The following PRUNE2 variants were observed in gnomAD, a reference collection of about 807,000 sequenced individuals.
The protein encoded by PRUNE2 is prune homolog 2 with BCH domain, also known as protein prune homolog 2.
In PRUNE2, 164 loss-of-function variants were observed where a neutral mutation model predicts 252.0. The observed-to-expected ratio is 0.65, with a 90% CI of 0.57 to 0.74. PRUNE2 has a LOEUF of 0.74. Among genes scored for constraint, PRUNE2 ranks in the 30% least tolerant of loss-of-function variants. The pLI, the probability that PRUNE2 is intolerant of heterozygous loss-of-function variation, is 0.00. For synonymous variants in PRUNE2, 1,292 were observed against 1,350.2 expected, an observed-to-expected ratio of 0.96 and a Z score of 0.94; for missense variants, 3,495 against 3,711.0, an observed-to-expected ratio of 0.94 and a Z score of 1.51.
chr9:76,686,895 G>A (rs866635038), intron 9 of PRUNE2, among the ~76,000 whole-genome samples: 1 of 152,088 alleles, frequency 6.6e-6, no homozygotes, highest in African/African-American at 2.4e-5. Flanking sequence ...ACCACAGCTG[G>A]CTAAGGCATT....
chr9:76,774,183 T>C (rs1359024338), intron 6 of PRUNE2, among the ~76,000 whole-genome samples: 1 of 152,176 alleles, frequency 6.6e-6, no homozygotes, highest in African/African-American at 2.4e-5. Context: ...TCCCCCAGGC[T>C]GGAGTGCAGT....
intron 6 of PRUNE2, among the ~76,000 whole-genome samples, chr9:76,756,843 C>G (rs984749421): frequency 2.7e-5 from 4 of 150,034 alleles, no homozygotes; most frequent in Admixed American, 2.7e-4. Flanking sequence ...CCCACCCTGC[C>G]CGTGCCCTGC....
chr9:76,726,898 G>T (rs1422206066), intron 6 of PRUNE2, among the ~76,000 whole-genome samples: 1 of 152,162 alleles, frequency 6.6e-6, no homozygotes, highest in Non-Finnish European at 1.5e-5. Flanking sequence ...GAATACCTGG[G>T]CTCACTCTGG....
intron 1 of PRUNE2, among the ~76,000 whole-genome samples, chr9:76,886,072 G>C (rs1371130956): frequency 6.6e-6 from 1 of 151,798 alleles, no homozygotes; most frequent in Admixed American, 6.6e-5. Context: ...TGTAGTCCCA[G>C]CTACTTGGGA....
intron 6 of PRUNE2, among the ~76,000 whole-genome samples, chr9:76,726,619 G>A (rs1456607889): frequency 6.6e-6 from 1 of 152,188 alleles, no homozygotes; most frequent in East Asian, 1.9e-4. Context: ...CTATAAAAGC[G>A]TTAAGCTTAG....
Position 76,807,047 on chromosome 9 carries a change from T to TGC in PRUNE2, c.756+16584_756+16585insGC, listed in dbSNP as rs1401179826. Among the ~76,000 whole-genome samples the TGC allele has an allele frequency of 2.9e-5, 4 of 138,952 alleles. No homozygotes were observed. The East Asian group carries it at 7.1e-4, about 25-fold the overall frequency. The allele number at this position is 138,952 out of a possible 152,430, so 91.2% of individuals were successfully genotyped here. Reference sequence around the variant, plus strand: ...GTGTGTGTGTGTGTGTGTGTGTGTGTGTGTGCGCGCGCGCGTGTGTCTGTC... The same window carrying TGC: ...GTGTGTGTGTGTGTGTGTGTGTGTGTGCGTGTGCGCGCGCGCGTGTGTCTGTC... On this transcript the variant is annotated intron_variant, in intron 6 of 18. Transcript: ENST00000376718.
At chr9:76,680,543 A>G (rs1447904770) in intron 9 of PRUNE2, among the ~76,000 whole-genome samples, 2 of 152,258 alleles carry the variant, frequency 1.3e-5, no homozygotes, top group East Asian at 1.9e-4. Context: ...ACTTCTTGTT[A>G]TAAGTCCAAA....
intron 2 of PRUNE2, among the ~76,000 whole-genome samples, chr9:76,851,528 A>G (rs1272795943): frequency 2.0e-5 from 3 of 149,008 alleles, no homozygotes; most frequent in Non-Finnish European, 4.4e-5. Flanking sequence ...AGCATGGGGG[A>G]CAGAGCAAGA....
chr9:76,770,965 C>A (rs1242497962), intron 6 of PRUNE2, among the ~76,000 whole-genome samples: 1 of 150,826 alleles, frequency 6.6e-6, no homozygotes, highest in African/African-American at 2.5e-5. Context: ...AAACTAATAA[C>A]TAACTAGAGA....
rs117062701 is a variant in PRUNE2 at position 76,877,231 on chromosome 9, G to A, written c.37-23023C>T. Among the ~76,000 whole-genome samples the A allele has an allele frequency of 6.1e-3, 928 of 151,822 alleles. 25 individuals are homozygous for A. Among genetic ancestry groups the A allele is most frequent in the East Asian group, 0.049 (256 of 5,172 alleles). On this transcript the variant is annotated intron_variant, in intron 1 of 18. Transcript: ENST00000376718. ...TAAAAAAAAAAAATTCAGACCTGGCGCGGTGCCTCATGCCTGTAATCCCAG... is the reference window on the plus strand; with the variant it reads ...TAAAAAAAAAAAATTCAGACCTGGCACGGTGCCTCATGCCTGTAATCCCAG...
In PRUNE2 at chr9:76,846,716, T is replaced by C. The variant is rs1221427962; in HGVS notation, c.345-38A>G. On this transcript the variant is annotated intron_variant, in intron 3 of 18. Transcript: ENST00000376718. ...TGGAGGGGAGGAAGAGAAAGGGATA[T>C]GGCATGTCTTATTACTTTTTGGAAT... 4 of 1,563,576 alleles carry C rather than the reference T, an allele frequency of 2.6e-6. No homozygotes were observed. The African/African-American group carries it at 4.1e-5, about 16-fold the overall frequency.
chr9:76,628,972 A>G (rs1836199720), intron 16 of PRUNE2, among the ~76,000 whole-genome samples: 1 of 152,056 alleles, frequency 6.6e-6, no homozygotes, highest in Non-Finnish European at 1.5e-5. Context: ...AGCCCCCTGA[A>G]TAGCTGGACT....
At chr9:76,830,425 G>T (rs1451424839) in intron 4 of PRUNE2, among the ~76,000 whole-genome samples, 2 of 152,118 alleles carry the variant, frequency 1.3e-5, no homozygotes, top group Non-Finnish European at 2.9e-5. Flanking sequence ...GTGGAGGTGG[G>T]TAGATCATTT....
chr9:76,743,362 C>G (rs2049818913), intron 6 of PRUNE2, among the ~76,000 whole-genome samples: 1 of 152,152 alleles, frequency 6.6e-6, no homozygotes, highest in Admixed American at 6.5e-5. Context: ...TTTTGAGAAG[C>G]TAGTCCATGA....
intron 6 of PRUNE2, among the ~76,000 whole-genome samples, chr9:76,776,499 C>CTTTTTT (rs58566943): frequency 1.5e-5 from 2 of 136,476 alleles, no homozygotes; most frequent in Non-Finnish European, 1.6e-5. Context: ...ACCACATTTT[C>CTTTTTT]TTTTTTTTTT....
chr9:76,729,979 T>A lies in PRUNE2; in HGVS notation c.757-16258A>T, dbSNP rs1348207581. On this transcript the variant is annotated intron_variant, in intron 6 of 18. Transcript: ENST00000376718. ...ATTATCCTAATTTGAGACCATATTT[T>A]TCTTGAGAGCATGTTTCATTTCATT... Among the ~76,000 whole-genome samples the A allele has an allele frequency of 2.0e-5, 3 of 152,248 alleles. No homozygotes were observed. In the East Asian group the frequency reaches 5.8e-4, roughly 29 times the overall value.
chr9:76,810,308 A>C (rs2131719605), intron 6 of PRUNE2, among the ~76,000 whole-genome samples: 1 of 152,332 alleles, frequency 6.6e-6, no homozygotes, highest in South Asian at 2.1e-4. Flanking sequence ...TTCAATGAGA[A>C]AATAAAAATC....
At chr9:76,715,407 G>C (rs571839772) in intron 6 of PRUNE2, among the ~76,000 whole-genome samples, 2 of 152,180 alleles carry the variant, frequency 1.3e-5, no homozygotes, top group African/African-American at 2.4e-5. Flanking sequence ...TCCATGTTTC[G>C]AGGAGGCTTT....
Position 76,703,793 on chromosome 9 carries a change from T to C in PRUNE2, c.7820A>G (p.Lys2607Arg). The C allele has an allele frequency of 6.2e-7, 1 of 1,613,936 alleles. No homozygotes were observed. Among genetic ancestry groups the C allele is most frequent in the Non-Finnish European group, 8.5e-7 (1 of 1,179,878 alleles). Residue 2607 changes from lysine (K) to arginine (R), a missense_variant, in exon 9 of 19, where the codon AAA becomes AGA. Physicochemically the swap from Lys to Arg is conservative, Grantham distance 26. Transcript: ENST00000376718. ...AGACATTTTCTCTGCAGAGAGACCT[T>C]TTCTTTCATTTAAGGAGGCTGGCTG... ...TCQPASLNER[K>R]GLSAEKMSSK...
Sources: gnomAD v4.1 joint callset for allele counts (sites outside exome capture counted in the v4.1 genomes callset) on GRCh38, gnomAD v4.1.1 for gene constraint, MANE v1.5 for transcripts, NCBI Gene and HGNC (gene_info 2026-07-23, HGNC 2026-07-21) for gene names.